The following EXT1 variants were observed in gnomAD, a reference collection of about 807,000 sequenced individuals.
EXT1 encodes exostosin-1.
Under a neutral mutation model 82.5 loss-of-function variants are expected in EXT1, and 20 were observed. The ratio of observed to expected loss-of-function variants is 0.24; its 90% CI spans 0.17 to 0.35. The LOEUF is 0.35. EXT1 is among the 10% of genes least tolerant of loss of function. EXT1 has a pLI of 1.00. For synonymous variants in EXT1, 348 were observed against 350.8 expected, an observed-to-expected ratio of 0.99 and a Z score of 0.09; for missense variants, 757 against 936.5, an observed-to-expected ratio of 0.81 and a Z score of 2.50.
At chr8:118,041,287 C>T (rs1272349665) in intron 1 of EXT1, among the ~76,000 whole-genome samples, 2 of 152,020 alleles carry the variant, frequency 1.3e-5, no homozygotes, top group East Asian at 3.9e-4. Context: ...ACTTTGAAAC[C>T]CTACAGTCTT....
At chr8:117,939,995 G>T (rs1425076238) in intron 1 of EXT1, among the ~76,000 whole-genome samples, 1 of 152,228 alleles carries the variant, frequency 6.6e-6, no homozygotes, top group African/African-American at 2.4e-5. Context: ...ACTAGGACAT[G>T]GTGGCCCTTT....
intron 7 of EXT1, among the ~76,000 whole-genome samples, chr8:117,814,039 A>T (rs961541489): frequency 4.0e-5 from 6 of 151,618 alleles, no homozygotes; most frequent in African/African-American, 1.5e-4. Flanking sequence ...AGAAGAAGAA[A>T]GAAGAAGGAG....
At chr8:118,055,334 G>C (rs1816778770) in intron 1 of EXT1, among the ~76,000 whole-genome samples, 1 of 152,180 alleles carries the variant, frequency 6.6e-6, no homozygotes, top group South Asian at 2.1e-4. Flanking sequence ...TTTTATTGCT[G>C]AATATTATTC....
intron 1 of EXT1, among the ~76,000 whole-genome samples, chr8:117,925,264 G>A (rs1813931199): frequency 6.6e-6 from 1 of 151,818 alleles, no homozygotes; most frequent in African/African-American, 2.4e-5. Context: ...AACAGGAGCT[G>A]TGTCTCTCTT....
chr8:117,934,857 AT>A (rs1814128986), intron 1 of EXT1, among the ~76,000 whole-genome samples: 1 of 152,176 alleles, frequency 6.6e-6, no homozygotes, highest in Non-Finnish European at 1.5e-5. Context: ...GAAACTCAGG[AT>A]AGAAAACCAG....
chr8:117,971,054 G>A (rs1450959361), intron 1 of EXT1, among the ~76,000 whole-genome samples: 1 of 152,136 alleles, frequency 6.6e-6, no homozygotes, highest in Admixed American at 6.5e-5. Flanking sequence ...GCACTGCATG[G>A]AGCTGGCCTG....
intron 1 of EXT1, among the ~76,000 whole-genome samples, chr8:117,980,750 T>C (rs1815180979): frequency 7.0e-6 from 1 of 142,058 alleles, no homozygotes; most frequent in South Asian, 2.4e-4. Context: ...AGTTCTTCAG[T>C]GGAAACTTCG....
chr8:117,836,766 G>C (rs967429454), intron 2 of EXT1, among the ~76,000 whole-genome samples: 1 of 152,070 alleles, frequency 6.6e-6, no homozygotes, highest in African/African-American at 2.4e-5. Flanking sequence ...AGACAATTTT[G>C]CTTTTAGAGA....
At chr8:118,020,098 T>C (rs1816074385) in intron 1 of EXT1, among the ~76,000 whole-genome samples, 1 of 152,232 alleles carries the variant, frequency 6.6e-6, no homozygotes, top group South Asian at 2.1e-4. Flanking sequence ...CATGTTTTTA[T>C]AAAATAAGAG....
chr8:117,893,200 CA>C (rs1813277826), intron 1 of EXT1, among the ~76,000 whole-genome samples: 1 of 152,196 alleles, frequency 6.6e-6, no homozygotes, highest in African/African-American at 2.4e-5. Flanking sequence ...TCTTTCAGAA[CA>C]GAAATATCCA....
At chr8:117,980,384 T>C (rs964238825) in intron 1 of EXT1, among the ~76,000 whole-genome samples, 1 of 152,128 alleles carries the variant, frequency 6.6e-6, no homozygotes. Context: ...ATCGCCACTG[T>C]CACCTCCCAA....
rs1823135203 is a variant in EXT1, at chr8:117,799,727, G to T, written c.2226C>A (p.Asp742Glu). ...GCCGGATTCCTCAAAGTCGCTCAATGTCTCGGTATTTCTTCCTCAAAATAG... is the reference window on the plus strand; with the variant it reads ...GCCGGATTCCTCAAAGTCGCTCAATTTCTCGGTATTTCTTCCTCAAAATAG... ...QVSILRKKYRDIERL is the reference protein window; with the variant it reads ...QVSILRKKYREIERL The change falls in exon 11 of 11, where the codon GAC (aspartate) becomes GAA (glutamate). Residue 742 changes from aspartate to glutamate, a missense_variant. Asp to Glu is a conservative substitution (Grantham distance 45). Coordinates refer to ENST00000378204, the MANE Select transcript of EXT1 (RefSeq NM_000127.3). The T allele has an allele frequency of 6.2e-7, 1 of 1,613,980 alleles. No homozygotes were observed. The highest frequency in any genetic ancestry group is 1.7e-5 in the Admixed American group (1 of 59,978).
At chr8:117,865,414 G>C (rs1812760615) in intron 1 of EXT1, among the ~76,000 whole-genome samples, 1 of 152,182 alleles carries the variant, frequency 6.6e-6, no homozygotes, top group Non-Finnish European at 1.5e-5. Flanking sequence ...CAGTGGTAAA[G>C]AGGAGCCTAT....
intron 1 of EXT1, among the ~76,000 whole-genome samples, chr8:118,086,818 G>A (rs755846721): frequency 6.6e-6 from 1 of 152,144 alleles, no homozygotes; most frequent in Non-Finnish European, 1.5e-5. Context: ...CTTCCTGTAA[G>A]CAATTAGTTT....
chr8:118,000,004 TACACACATACAC>T (rs745580894), intron 1 of EXT1, among the ~76,000 whole-genome samples: 15 of 152,032 alleles, frequency 9.9e-5, no homozygotes, highest in Admixed American at 3.3e-4. Context: ...CTGTACTTTA[TACACACATACAC>T]ACACACATAC....
At chr8:117,997,872 T>A (rs1815579657) in intron 1 of EXT1, among the ~76,000 whole-genome samples, 1 of 152,124 alleles carries the variant, frequency 6.6e-6, no homozygotes, top group Admixed American at 6.6e-5. Flanking sequence ...TCATCCCCAG[T>A]GAATCACCCT....
chr8:117,837,989 T>C (rs1482971608), intron 1 of EXT1, among the ~76,000 whole-genome samples: 1 of 152,128 alleles, frequency 6.6e-6, no homozygotes, highest in Non-Finnish European at 1.5e-5. Flanking sequence ...AAAATATGAG[T>C]GTTACCTGTT....
chr8:118,052,781 T>C (rs1282336883), intron 1 of EXT1, among the ~76,000 whole-genome samples: 2 of 152,216 alleles, frequency 1.3e-5, no homozygotes, highest in Non-Finnish European at 2.9e-5. Flanking sequence ...CGTTATTAAA[T>C]AGCCTCTGTT....
At chr8:118,075,330 TC>T (rs1210479262) in intron 1 of EXT1, among the ~76,000 whole-genome samples, 1 of 152,124 alleles carries the variant, frequency 6.6e-6, no homozygotes, top group African/African-American at 2.4e-5. Flanking sequence ...GTGTCTCCAT[TC>T]CCGATACTGC....
Sources: gnomAD v4.1 joint callset for allele counts (sites outside exome capture counted in the v4.1 genomes callset) on GRCh38, gnomAD v4.1.1 for gene constraint, MANE v1.5 for transcripts, NCBI Gene and HGNC (gene_info 2026-07-23, HGNC 2026-07-21) for gene names.